Variants in MECOM observed in about 807,000 individuals in gnomAD.
MECOM encodes MDS1 and EVI1 complex locus.
In MECOM, 13 loss-of-function variants were observed where a neutral mutation model predicts 116.3. The observed-to-expected ratio is 0.11, with a 90% CI of 0.07 to 0.18. The LOEUF is 0.18. MECOM is among the 10% of genes least tolerant of loss of function. The probability of loss-of-function intolerance (pLI) is 1.00; values close to 1 mark genes in which losing one functional copy is unlikely to be tolerated. For missense variants in MECOM, 1,299 were observed against 1,509.0 expected, an observed-to-expected ratio of 0.86 and a Z score of 2.31; for synonymous variants, 528 against 535.2, an observed-to-expected ratio of 0.99 and a Z score of 0.19.
At chr3:169,320,583 A>G (rs1376986873) in intron 2 of MECOM, among the ~76,000 whole-genome samples, 1 of 152,214 alleles carries the variant, frequency 6.6e-6, no homozygotes, top group Non-Finnish European at 1.5e-5. Flanking sequence ...TTATCATGGT[A>G]TAAGAGGAAA....
At chr3:169,174,265 C>A (rs1744837669) in intron 2 of MECOM, among the ~76,000 whole-genome samples, 1 of 152,232 alleles carries the variant, frequency 6.6e-6, no homozygotes, top group East Asian at 1.9e-4. Flanking sequence ...GTCTTAGGGA[C>A]CTTTGTCTCT....
intron 2 of MECOM, among the ~76,000 whole-genome samples, chr3:169,243,417 G>A (rs1239366889): frequency 6.6e-6 from 1 of 152,110 alleles, no homozygotes; most frequent in Non-Finnish European, 1.5e-5. Flanking sequence ...TAAAGTGCCT[G>A]AAGGATTTAA....
intron 1 of MECOM, among the ~76,000 whole-genome samples, chr3:169,499,618 GAA>G (rs11423483): frequency 6.7e-6 from 1 of 150,114 alleles, no homozygotes; most frequent in South Asian, 2.1e-4. Context: ...CGACCAGGGG[GAA>G]AAAAAAAGAA....
intron 3 of MECOM, among the ~76,000 whole-genome samples, chr3:169,134,358 C>T (rs113543447): frequency 1.9e-4 from 29 of 152,214 alleles, no homozygotes; most frequent in Admixed American, 5.2e-4. Context: ...ATAAAAGACA[C>T]GGAAGAGTGT....
chr3:169,229,087 T>C (rs547209759), intron 2 of MECOM, among the ~76,000 whole-genome samples: 1 of 152,328 alleles, frequency 6.6e-6, no homozygotes, highest in African/African-American at 2.4e-5. Context: ...TTGGAAACAC[T>C]GGTTCTGGCT....
At chr3:169,337,058 G>C (rs1251935349) in intron 2 of MECOM, among the ~76,000 whole-genome samples, 5 of 152,104 alleles carry the variant, frequency 3.3e-5, no homozygotes, top group Admixed American at 1.3e-4. Flanking sequence ...AAGTGATTCT[G>C]TCTTCATGTA....
intron 2 of MECOM, chr3:169,146,556 G>A (rs1740001145): frequency 7.3e-7 from 1 of 1,376,982 alleles, no homozygotes; most frequent in Non-Finnish European, 9.7e-7. Context: ...GCCCGGCTTA[G>A]CAACGTAGAT....
At chr3:169,196,954 T>C (rs1748484798) in intron 2 of MECOM, among the ~76,000 whole-genome samples, 1 of 151,984 alleles carries the variant, frequency 6.6e-6, no homozygotes, top group Admixed American at 6.6e-5. Context: ...AATTGTGGTA[T>C]AGATACACCA....
chr3:169,242,721 A>G (rs914149539), intron 2 of MECOM, among the ~76,000 whole-genome samples: 1 of 152,144 alleles, frequency 6.6e-6, no homozygotes, highest in Non-Finnish European at 1.5e-5. Flanking sequence ...TGGGAGTTTT[A>G]GTATTTGGCC....
intron 1 of MECOM, among the ~76,000 whole-genome samples, chr3:169,608,520 T>A (rs936431486): frequency 1.3e-5 from 2 of 152,050 alleles, no homozygotes; most frequent in African/African-American, 4.8e-5. Context: ...CTAAAGCGAG[T>A]CTTGGTGGCA....
chr3:169,418,163 T>C (rs1578040215), intron 1 of MECOM, among the ~76,000 whole-genome samples: 1 of 147,626 alleles, frequency 6.8e-6, no homozygotes, highest in Non-Finnish European at 1.5e-5. Flanking sequence ...AATGGATAAG[T>C]TCCTGGACAA....
chr3:169,254,886 A>G (rs959053202), intron 2 of MECOM, among the ~76,000 whole-genome samples: 8 of 152,030 alleles, frequency 5.3e-5, no homozygotes, highest in African/African-American at 1.9e-4. Context: ...GTTGGAGTTT[A>G]TCTGGTTCTA....
chr3:169,147,641 G>A, intron 2 of MECOM: 1 of 984,312 alleles, frequency 1.0e-6, no homozygotes, highest in Non-Finnish European at 1.2e-6. Context: ...ACAACCAATG[G>A]GGAGATCTCG....
At chr3:169,436,564 T>A (rs1170107008) in intron 1 of MECOM, among the ~76,000 whole-genome samples, 1 of 152,162 alleles carries the variant, frequency 6.6e-6, no homozygotes, top group African/African-American at 2.4e-5. Flanking sequence ...ATGGCTTTTC[T>A]ACACGTCAGT....
chr3:169,498,608 A>C (rs1343724030), intron 1 of MECOM, among the ~76,000 whole-genome samples: 1 of 152,210 alleles, frequency 6.6e-6, no homozygotes, highest in African/African-American at 2.4e-5. Context: ...TTCTATCCAC[A>C]CTATCACAAG....
At chr3:169,235,238 T>A (rs1560026958) in intron 2 of MECOM, among the ~76,000 whole-genome samples, 1 of 152,204 alleles carries the variant, frequency 6.6e-6, no homozygotes, top group Non-Finnish European at 1.5e-5. Flanking sequence ...CACAGGACTC[T>A]ACATAAAAGC....
chr3:169,214,427 T>TA (rs567724280), intron 2 of MECOM, among the ~76,000 whole-genome samples: 12,373 of 136,670 alleles, frequency 0.091, 677 homozygotes, highest in Non-Finnish European at 0.13. Flanking sequence ...CAGGAGTGTT[T>TA]AAAAAAAAAA....
intron 1 of MECOM, among the ~76,000 whole-genome samples, chr3:169,478,500 C>T (rs1230249343): frequency 1.3e-5 from 2 of 152,102 alleles, no homozygotes; most frequent in African/African-American, 4.8e-5. Flanking sequence ...TGGCCAAGCA[C>T]CCCCACAAGT....
intron 11 of MECOM, 39 bp from the exon 12 acceptor site, chr3:169,101,001 G>A: frequency 6.7e-7 from 1 of 1,491,806 alleles, no homozygotes; most frequent in African/African-American, 1.4e-5. Flanking sequence ...AGTCAGCACA[G>A]TTGACTATAT....
Sources: allele counts gnomAD v4.1 joint callset (sites outside exome capture counted in the v4.1 genomes callset), GRCh38; gene constraint gnomAD v4.1.1; transcripts MANE v1.5; gene names NCBI Gene and HGNC (gene_info 2026-07-23, HGNC 2026-07-21).